The following CPQ variants were observed in gnomAD, a reference collection of about 807,000 sequenced individuals.
The protein encoded by CPQ is carboxypeptidase Q, also known as Ser-Met dipeptidase.
A neutral mutation model predicts 45.7 loss-of-function variants in CPQ; 37 were observed. The observed-to-expected ratio is 0.81, with a 90% CI of 0.62 to 1.07. The LOEUF (loss-of-function observed/expected upper bound fraction) is 1.07. CPQ is among the 50% of genes least tolerant of loss of function. The pLI, the probability that CPQ is intolerant of heterozygous loss-of-function variation, is 0.00. For synonymous variants in CPQ, 186 were observed against 205.8 expected (o/e 0.90, Z 0.82); for missense variants, 537 against 572.9 (o/e 0.94, Z 0.64).
chr8:96,964,615 T>TA (rs200681109), intron 4 of CPQ, among the ~76,000 whole-genome samples: 5 of 151,328 alleles, frequency 3.3e-5, no homozygotes, highest in East Asian at 1.9e-4. Context: ...TTTCCTAGTT[T>TA]AAAAAAAAAC....
At chr8:96,993,909 A>G in intron 5 of CPQ, among the ~76,000 whole-genome samples, 1 of 152,108 alleles carries the variant, frequency 6.6e-6, no homozygotes. Context: ...CAAACACTAT[A>G]TTGTTCTCCC....
chr8:96,725,339 A>G (rs746405886), intron 1 of CPQ, among the ~76,000 whole-genome samples: 7 of 152,230 alleles, frequency 4.6e-5, no homozygotes, highest in Non-Finnish European at 8.8e-5. Context: ...TGTATCCAAC[A>G]AAAGTCTAAT....
Position 96,940,121 on chromosome 8 carries a change from A to AT in CPQ, c.850-25806dup, listed in dbSNP as rs35815902. ...AAAATGATTTTCTCTTTCTTGCCCT[A>AT]TTTTTTTTGCCTCATTGTTCCCTAA... On this transcript the variant is annotated intron_variant, in intron 4 of 7. Transcript: ENST00000220763. Among the ~76,000 whole-genome samples, 590 of 151,616 alleles carry AT rather than the reference A, an allele frequency of 3.9e-3. 3 individuals are homozygous for AT. Among genetic ancestry groups the AT allele is most frequent in the African/African-American group, 0.013 (546 of 41,410 alleles).
At chr8:96,713,163 A>AC (rs1809635455) in intron 1 of CPQ, among the ~76,000 whole-genome samples, 1 of 152,196 alleles carries the variant, frequency 6.6e-6, no homozygotes, top group African/African-American at 2.4e-5. Context: ...AAGCCATTCA[A>AC]CAAGTCCTAA....
At chr8:96,973,686 T>C (rs1813720634) in intron 5 of CPQ, among the ~76,000 whole-genome samples, 2 of 152,152 alleles carry the variant, frequency 1.3e-5, no homozygotes, top group South Asian at 4.1e-4. Context: ...GCAGAAACCC[T>C]ACCAGCTAGA....
At chr8:96,684,506 G>T (rs1248626581) in intron 1 of CPQ, among the ~76,000 whole-genome samples, 2 of 152,136 alleles carry the variant, frequency 1.3e-5, no homozygotes, top group Non-Finnish European at 2.9e-5. Flanking sequence ...CTGATCCTTA[G>T]ACCCCCACAC....
At position 96,684,410 on chromosome 8, in the gene CPQ, G is replaced by A. The variant is rs541776578; in HGVS notation, c.-35+39008G>A. ...GGGCATGCCATGCAGGCTGGTCCTT[G>A]GGTACCAGTGGTGTTGGTGAGGCAT... On this transcript the variant is annotated intron_variant, in intron 1 of 7. Transcript: ENST00000220763. Among the ~76,000 whole-genome samples, 34 of 152,324 alleles carry A rather than the reference G, an allele frequency of 2.2e-4. 1 individual carries two copies. Among genetic ancestry groups the A allele is most frequent in the Middle Eastern group, 3.4e-3 (1 of 294 alleles).
chr8:96,766,374 A>G (rs1345385982), intron 1 of CPQ, among the ~76,000 whole-genome samples: 3 of 152,066 alleles, frequency 2.0e-5, no homozygotes, highest in African/African-American at 7.2e-5. Context: ...CTAGTTCATT[A>G]GGGCCTTTTT....
chr8:96,659,756 T>A (rs1052453474), intron 1 of CPQ, among the ~76,000 whole-genome samples: 3 of 152,200 alleles, frequency 2.0e-5, no homozygotes, highest in African/African-American at 7.2e-5. Flanking sequence ...TCGGGGAGAT[T>A]GCCCTTAACT....
intron 7 of CPQ, among the ~76,000 whole-genome samples, chr8:97,076,205 T>C (rs994417807): frequency 6.6e-6 from 1 of 151,932 alleles, no homozygotes; most frequent in Non-Finnish European, 1.5e-5. Flanking sequence ...TTTGTATTTT[T>C]AGTAGAGATG....
At chr8:97,133,579 C>T (rs778864526) in intron 7 of CPQ, among the ~76,000 whole-genome samples, 5 of 152,094 alleles carry the variant, frequency 3.3e-5, no homozygotes, top group Non-Finnish European at 5.9e-5. Context: ...AGATGTTACA[C>T]CATTTTAAAG....
At chr8:96,645,755 G>T (rs915375547) in intron 1 of CPQ, among the ~76,000 whole-genome samples, 5 of 150,994 alleles carry the variant, frequency 3.3e-5, no homozygotes, top group Non-Finnish European at 5.9e-5. Context: ...GCCCCAAGCC[G>T]CCCCCTTCAT....
intron 1 of CPQ, among the ~76,000 whole-genome samples, chr8:96,652,826 G>A (rs942396036): frequency 1.3e-5 from 2 of 152,104 alleles, no homozygotes; most frequent in Non-Finnish European, 2.9e-5. Context: ...ACTAGAGACG[G>A]GGTTTCACTT....
At chr8:96,751,914 T>C (rs190115066) in intron 1 of CPQ, among the ~76,000 whole-genome samples, 2 of 152,310 alleles carry the variant, frequency 1.3e-5, no homozygotes, top group East Asian at 1.9e-4. Flanking sequence ...ACATTGTTTG[T>C]TTTTGTCAGG....
chr8:97,026,553 A>T (rs895471610), intron 5 of CPQ, among the ~76,000 whole-genome samples: 5 of 152,202 alleles, frequency 3.3e-5, no homozygotes, highest in African/African-American at 1.2e-4. Flanking sequence ...GGACAATCAG[A>T]TTGTCAGAGT....
At chr8:96,878,344 G>A (rs1469671710) in intron 3 of CPQ, among the ~76,000 whole-genome samples, 1 of 152,178 alleles carries the variant, frequency 6.6e-6, no homozygotes, top group Non-Finnish European at 1.5e-5. Flanking sequence ...AGTCTCTGCA[G>A]GGATAATTGA....
At chr8:97,129,883 A>C (rs1348485740) in intron 7 of CPQ, among the ~76,000 whole-genome samples, 2 of 152,192 alleles carry the variant, frequency 1.3e-5, no homozygotes, top group Non-Finnish European at 2.9e-5. Flanking sequence ...GGTACTTGGC[A>C]CTTAGTGGGA....
intron 5 of CPQ, among the ~76,000 whole-genome samples, chr8:97,003,153 T>C (rs933948750): frequency 4.6e-5 from 7 of 152,158 alleles, no homozygotes; most frequent in Admixed American, 2.6e-4. Context: ...GTGTGTGTCA[T>C]TGCATGTGAC....
chr8:97,096,192 G>A (rs149421030), intron 7 of CPQ, among the ~76,000 whole-genome samples: 6 of 152,236 alleles, frequency 3.9e-5, no homozygotes, highest in Admixed American at 1.3e-4. Context: ...CTAACACTGA[G>A]AGAGGTAAGT....
Sources: allele counts gnomAD v4.1 joint callset (sites outside exome capture counted in the v4.1 genomes callset), GRCh38; gene constraint gnomAD v4.1.1; transcripts MANE v1.5; gene names NCBI Gene and HGNC (gene_info 2026-07-23, HGNC 2026-07-21).